The following NKAIN3 variants were observed in gnomAD, a reference collection of about 807,000 sequenced individuals.
NKAIN3 encodes sodium/potassium transporting ATPase interacting 3, also known as sodium/potassium-transporting ATPase subunit beta-1-interacting protein 3.
Under a neutral mutation model 30.2 loss-of-function variants are expected in NKAIN3, and 25 were observed. That is an observed-to-expected ratio of 0.83 (90% CI 0.60 to 1.16). The LOEUF is 1.16. NKAIN3 is among the 50% of genes most tolerant of loss of function. NKAIN3 has a pLI of 0.00. For missense variants in NKAIN3, 225 were observed against 254.1 expected (o/e 0.89, Z 0.78); for synonymous variants, 91 against 89.6 (o/e 1.02, Z -0.09).
At chr8:62,322,636 A>C (rs1441529608) in intron 1 of NKAIN3, among the ~76,000 whole-genome samples, 1 of 152,238 alleles carries the variant, frequency 6.6e-6, no homozygotes, top group Non-Finnish European at 1.5e-5. Flanking sequence ...GGGCATCTTC[A>C]TACAGTTGCT....
chr8:62,294,812 T>C (rs556400402), intron 1 of NKAIN3, among the ~76,000 whole-genome samples: 2 of 152,266 alleles, frequency 1.3e-5, no homozygotes, highest in South Asian at 2.1e-4. Context: ...CCCAAAGTAC[T>C]GGGAATATAA....
chr8:62,335,713 C>T (rs1331353295), intron 1 of NKAIN3, among the ~76,000 whole-genome samples: 1 of 152,028 alleles, frequency 6.6e-6, no homozygotes, highest in African/African-American at 2.4e-5. Context: ...ATGCAGGTCA[C>T]TAGATCCTTA....
intron 3 of NKAIN3, among the ~76,000 whole-genome samples, chr8:62,710,005 T>C (rs1170491765): frequency 2.6e-5 from 4 of 152,190 alleles, no homozygotes; most frequent in Admixed American, 2.6e-4. Flanking sequence ...ATCAGATTAC[T>C]AAATTTCCAT....
intron 5 of NKAIN3, among the ~76,000 whole-genome samples, chr8:62,942,169 A>AATATAT (rs146115738): frequency 1.4e-5 from 2 of 142,656 alleles, no homozygotes; most frequent in Non-Finnish European, 3.0e-5. Flanking sequence ...CAATAGCTGC[A>AATATAT]ATATATATAT....
chr8:62,630,407 C>T (rs1811919197), intron 3 of NKAIN3, among the ~76,000 whole-genome samples: 1 of 152,034 alleles, frequency 6.6e-6, no homozygotes, highest in South Asian at 2.1e-4. Flanking sequence ...GGGATTTAAC[C>T]TAATTAGTAT....
intron 3 of NKAIN3, among the ~76,000 whole-genome samples, chr8:62,743,120 A>T (rs190863692): frequency 6.6e-6 from 1 of 152,352 alleles, no homozygotes; most frequent in East Asian, 1.9e-4. Context: ...GGTGGGGGAC[A>T]CAGCCAAATT....
intron 1 of NKAIN3, among the ~76,000 whole-genome samples, chr8:62,525,117 A>T (rs748184751): frequency 3.3e-5 from 5 of 151,976 alleles, no homozygotes; most frequent in Non-Finnish European, 7.4e-5. Context: ...GCTGCGAGCC[A>T]TCAACTACAC....
chr8:62,576,590 A>C, intron 1 of NKAIN3, among the ~76,000 whole-genome samples: 1 of 152,164 alleles, frequency 6.6e-6, no homozygotes, highest in Non-Finnish European at 1.5e-5. Flanking sequence ...AGTGGTGTGC[A>C]GGTAAAAATT....
At chr8:62,799,243 C>T (rs1026609672) in intron 4 of NKAIN3, among the ~76,000 whole-genome samples, 2 of 152,084 alleles carry the variant, frequency 1.3e-5, no homozygotes, top group Non-Finnish European at 2.9e-5. Flanking sequence ...TAATAATCAG[C>T]AGAGTTAACA....
chr8:62,329,685 G>A (rs1030425912), intron 1 of NKAIN3, among the ~76,000 whole-genome samples: 4 of 152,006 alleles, frequency 2.6e-5, no homozygotes, highest in South Asian at 2.1e-4. Context: ...CTTTTTTATG[G>A]CTGCATGATA....
At chr8:62,911,904 G>A (rs549469286) in intron 4 of NKAIN3, among the ~76,000 whole-genome samples, 93 of 152,210 alleles carry the variant, frequency 6.1e-4, no homozygotes, top group African/African-American at 2.1e-3. Context: ...AGGAACATTA[G>A]CTTGTAACAA....
At chr8:62,403,022 T>C (rs1406529107) in intron 1 of NKAIN3, among the ~76,000 whole-genome samples, 1 of 152,176 alleles carries the variant, frequency 6.6e-6, no homozygotes, top group Non-Finnish European at 1.5e-5. Flanking sequence ...AAAATGCTGA[T>C]AGTGATATGG....
chr8:62,962,079 C>CACAT (rs1463393952), intron 6 of NKAIN3, among the ~76,000 whole-genome samples: 1 of 152,140 alleles, frequency 6.6e-6, no homozygotes, highest in Non-Finnish European at 1.5e-5. Context: ...CACACCCACA[C>CACAT]ACATGCACAT....
intron 1 of NKAIN3, among the ~76,000 whole-genome samples, chr8:62,526,572 T>C (rs531974305): frequency 6.6e-6 from 1 of 152,164 alleles, no homozygotes; most frequent in Non-Finnish European, 1.5e-5. Flanking sequence ...ACCACATCAG[T>C]TTCCAATATT....
chr8:62,796,253 G>A (rs552393638), intron 4 of NKAIN3, among the ~76,000 whole-genome samples: 4 of 151,536 alleles, frequency 2.6e-5, no homozygotes, highest in Non-Finnish European at 1.5e-5. Context: ...GCATGGTGGT[G>A]CATGCCTGTA....
At chr8:62,940,329 A>G (rs1164732877) in intron 5 of NKAIN3, among the ~76,000 whole-genome samples, 7 of 152,184 alleles carry the variant, frequency 4.6e-5, no homozygotes, top group African/African-American at 7.2e-5. Context: ...GGGGACTTCA[A>G]TACTCCATGG....
intron 1 of NKAIN3, among the ~76,000 whole-genome samples, chr8:62,463,539 T>C (rs1190043630): frequency 2.0e-5 from 3 of 152,214 alleles, no homozygotes; most frequent in African/African-American, 7.2e-5. Flanking sequence ...ATATACAGCA[T>C]GGAAAGCTAT....
chr8:62,958,855 G>A (rs190706896), intron 6 of NKAIN3, among the ~76,000 whole-genome samples: 3 of 152,270 alleles, frequency 2.0e-5, no homozygotes, highest in Admixed American at 2.0e-4. Flanking sequence ...ATCAAAGAAG[G>A]ACAGCAGCTG....
At chr8:62,500,113 C>T (rs1032023952) in intron 1 of NKAIN3, among the ~76,000 whole-genome samples, 19 of 152,028 alleles carry the variant, frequency 1.2e-4, no homozygotes, top group Non-Finnish European at 8.8e-5. Flanking sequence ...TCGCAGAATG[C>T]CAGAGACTTC....
Sources: allele counts gnomAD v4.1 joint callset (sites outside exome capture counted in the v4.1 genomes callset), GRCh38; gene constraint gnomAD v4.1.1; transcripts MANE v1.5; gene names NCBI Gene and HGNC (gene_info 2026-07-23, HGNC 2026-07-21).